Variants in EBF3 observed in about 807,000 individuals in gnomAD.
EBF3 encodes the protein transcription factor COE3.
In EBF3, 18 loss-of-function variants were observed where a neutral mutation model predicts 77.1. The ratio of observed to expected loss-of-function variants is 0.23; its 90% CI spans 0.16 to 0.35. EBF3 has a LOEUF of 0.35. Ranked by LOEUF, EBF3 falls within the 10% of genes least tolerant of loss-of-function variation. EBF3 has a pLI of 1.00. For missense variants in EBF3, 558 were observed against 860.0 expected (o/e 0.65, Z 4.39); for synonymous variants, 350 against 343.5 (o/e 1.02, Z -0.21).
intron 10 of EBF3, among the ~76,000 whole-genome samples, chr10:129,851,529 G>GA (rs747872993): frequency 2.0e-5 from 3 of 151,980 alleles, no homozygotes; most frequent in Admixed American, 6.6e-5. Flanking sequence ...ACTGAAGGGG[G>GA]AAAAAAACAA....
intron 6 of EBF3, among the ~76,000 whole-genome samples, chr10:129,922,644 G>A (rs566666690): frequency 7.9e-5 from 12 of 152,354 alleles, no homozygotes; most frequent in East Asian, 5.8e-4. Context: ...TGTGGTCTGC[G>A]TACCTACAGC....
intron 10 of EBF3, among the ~76,000 whole-genome samples, chr10:129,859,732 G>A (rs543610990): frequency 2.6e-5 from 4 of 152,376 alleles, no homozygotes; most frequent in Non-Finnish European, 4.4e-5. Flanking sequence ...CCCAGCTGGC[G>A]GGGCACACGC....
chr10:129,949,783 G>T (rs997303861), intron 6 of EBF3, among the ~76,000 whole-genome samples: 1 of 152,104 alleles, frequency 6.6e-6, no homozygotes, highest in Non-Finnish European at 1.5e-5. Flanking sequence ...AGGGGGTGCA[G>T]TTCCTTACCA....
chr10:129,939,270 C>G (rs981368538), intron 6 of EBF3, among the ~76,000 whole-genome samples: 1 of 152,190 alleles, frequency 6.6e-6, no homozygotes, highest in Non-Finnish European at 1.5e-5. Context: ...CCTCCACCCT[C>G]CCCTCTCCCA....
intron 6 of EBF3, among the ~76,000 whole-genome samples, chr10:129,910,828 A>C (rs1343062932): frequency 2.6e-5 from 4 of 152,122 alleles, no homozygotes; most frequent in African/African-American, 9.7e-5. Flanking sequence ...TCTGTCCGCA[A>C]ACCTGGCCTC....
intron 6 of EBF3, among the ~76,000 whole-genome samples, chr10:129,878,097 G>T (rs766316544): frequency 2.0e-5 from 3 of 152,184 alleles, no homozygotes; most frequent in Non-Finnish European, 2.9e-5. Flanking sequence ...TATGATAATA[G>T]CTGCGACTTT....
At chr10:129,856,366 G>C (rs531907820) in intron 10 of EBF3, among the ~76,000 whole-genome samples, 1 of 152,236 alleles carries the variant, frequency 6.6e-6, no homozygotes, top group East Asian at 1.9e-4. Context: ...ACAAAATGTG[G>C]TATATCCATA....
chr10:129,878,835 A>AG (rs1852990718), intron 6 of EBF3, among the ~76,000 whole-genome samples: 1 of 150,446 alleles, frequency 6.6e-6, no homozygotes, highest in Non-Finnish European at 1.5e-5. Context: ...AAAAAAAAAA[A>AG]AAAAAAAAAA....
intron 10 of EBF3, among the ~76,000 whole-genome samples, chr10:129,857,488 A>G (rs1252385469): frequency 6.6e-6 from 1 of 151,834 alleles, no homozygotes; most frequent in Non-Finnish European, 1.5e-5. Context: ...CTCTACGGCC[A>G]CCTCCCAACC....
intron 6 of EBF3, among the ~76,000 whole-genome samples, chr10:129,955,410 C>T (rs1858964163): frequency 1.3e-5 from 2 of 152,162 alleles, no homozygotes; most frequent in East Asian, 1.9e-4. Flanking sequence ...AACCCATTAA[C>T]CAAATGTTTT....
At chr10:129,880,729 G>A (rs1301475941) in intron 6 of EBF3, among the ~76,000 whole-genome samples, 1 of 152,218 alleles carries the variant, frequency 6.6e-6, no homozygotes, top group East Asian at 1.9e-4. Context: ...CCAGGTTCTT[G>A]GGGCATCTAC....
At position 129,930,709 on chromosome 10, in the gene EBF3, C is replaced by G. The variant is rs970592684; in HGVS notation, c.554+26549G>C. On this transcript the variant is annotated intron_variant, in intron 6 of 16. Coordinates refer to ENST00000440978, the MANE Select transcript of EBF3 (RefSeq NM_001375380.1). The stretch of plus-strand genomic sequence containing the variant: ...TCTATCTCTATATTAACAAATCCCC[C>G]TCTCATATATCTGTATCTGTCTATA... Among the ~76,000 whole-genome samples the G allele has an allele frequency of 5.6e-4, 81 of 144,522 alleles. 1 individual carries two copies. Among genetic ancestry groups the G allele is most frequent in the South Asian group, 9.1e-4 (4 of 4,412 alleles). 94.8% of individuals were successfully genotyped at this position (144,522 alleles called of 152,430 possible).
chr10:129,894,885 T>C (rs1398681265), intron 6 of EBF3, among the ~76,000 whole-genome samples: 1 of 152,258 alleles, frequency 6.6e-6, no homozygotes, highest in Non-Finnish European at 1.5e-5. Context: ...CAGAGTCTCC[T>C]GCTGGTGACT....
At chr10:129,957,229 G>C (rs117936192) in intron 6 of EBF3, 29 bp downstream of exon 6, 41,432 of 1,574,202 alleles carry the variant, frequency 0.026, 655 homozygotes, top group Middle Eastern at 0.057. Flanking sequence ...CTGCGGTTTT[G>C]TTTTGAAAAA....
Position 129,844,493 on chromosome 10 carries a change from TC to T in EBF3, c.1129-1292del, listed in dbSNP as rs531184040. 5.3e-3 allele frequency among the ~76,000 whole-genome samples: 813 copies of T among 152,188 alleles called. 6 individuals are homozygous for T. The highest frequency in any genetic ancestry group is 0.019 in the African/African-American group (786 of 41,522). On this transcript the variant is annotated intron_variant, in intron 11 of 16. Transcript: ENST00000440978. ...TGGTGGGAAGCAGGCCCGTAATGAC[TC>T]CACTGTTAAATCTGTGTTACATCTG...
intron 6 of EBF3, among the ~76,000 whole-genome samples, chr10:129,909,346 C>T (rs946384771): frequency 9.9e-5 from 15 of 152,248 alleles, no homozygotes; most frequent in South Asian, 4.1e-4. Flanking sequence ...CCTTCCTGGA[C>T]GCCCTTCCTG....
rs536210020 is a variant in EBF3, at chr10:129,842,059, C to T, written c.1372+57G>A. ...GGACACGTGCCTCTTCAGCTAAGGC[C>T]TCAACCAACCCTCGGAGGGCGTTCA... On this transcript the variant is annotated intron_variant, in intron 13 of 16. Transcript: ENST00000440978. This position sits in a 1 kb window ranked among gnomAD's most constrained non-coding sequence, Gnocchi z 4.4. 8 of 1,610,176 alleles carry T rather than the reference C, an allele frequency of 5.0e-6. No homozygotes were observed. In the Admixed American group the frequency reaches 1.0e-4, roughly 20 times the overall value.
intron 6 of EBF3, among the ~76,000 whole-genome samples, chr10:129,920,649 A>G (rs1241778086): frequency 6.6e-6 from 1 of 152,262 alleles, no homozygotes; most frequent in Non-Finnish European, 1.5e-5. Flanking sequence ...TCCAGTGGTA[A>G]AACCCCGAAG....
At chr10:129,934,574 C>A (rs1480060428) in intron 6 of EBF3, among the ~76,000 whole-genome samples, 1 of 152,112 alleles carries the variant, frequency 6.6e-6, no homozygotes, top group East Asian at 1.9e-4. Flanking sequence ...ACTATTAGCT[C>A]ATTTGCATAC....
Sources: allele counts gnomAD v4.1 joint callset (sites outside exome capture counted in the v4.1 genomes callset), GRCh38; gene constraint gnomAD v4.1.1; non-coding constraint Gnocchi (gnomAD v3.1); transcripts MANE v1.5; gene names NCBI Gene and HGNC (gene_info 2026-07-23, HGNC 2026-07-21).